Variants in TXNDC8 observed in about 807,000 individuals in gnomAD.
TXNDC8 encodes thioredoxin domain containing 8, also known as thioredoxin domain-containing protein 8.
TXNDC8 carries 15 observed loss-of-function variants against 12.9 expected under a neutral mutation model. The observed-to-expected ratio is 1.16, with a 90% confidence interval of 0.78 to 1.79. TXNDC8 has a LOEUF of 1.79. TXNDC8 is among the 40% of genes most tolerant of loss of function. The probability of loss-of-function intolerance (pLI) is 0.00; values close to 1 mark genes in which losing one functional copy is unlikely to be tolerated. For synonymous variants in TXNDC8, 40 were observed against 35.4 expected, an observed-to-expected ratio of 1.13 and a Z score of -0.46; for missense variants, 128 against 113.2, an observed-to-expected ratio of 1.13 and a Z score of -0.59.
intron 3 of TXNDC8, among the ~76,000 whole-genome samples, chr9:110,319,946 G>A (rs1449460426): frequency 3.3e-5 from 5 of 152,166 alleles, no homozygotes; most frequent in African/African-American, 7.2e-5. Context: ...CCCACTTTAT[G>A]TGATAGCTCA....
chr9:110,315,345 G>A (rs932621753), intron 3 of TXNDC8, among the ~76,000 whole-genome samples: 14 of 152,118 alleles, frequency 9.2e-5, no homozygotes, highest in East Asian at 7.7e-4. Context: ...TAATCCACCC[G>A]CCTCAGCCTC....
intron 3 of TXNDC8, among the ~76,000 whole-genome samples, chr9:110,307,400 C>T (rs574511526): frequency 6.6e-5 from 10 of 152,210 alleles, no homozygotes; most frequent in East Asian, 3.9e-4. Flanking sequence ...ATGTTACATT[C>T]GTGTCTTCCT....
intron 3 of TXNDC8, among the ~76,000 whole-genome samples, chr9:110,311,797 A>G (rs1426030224): frequency 1.4e-5 from 2 of 143,458 alleles, no homozygotes. Flanking sequence ...TATACTATAT[A>G]CTATATATAC....
At chr9:110,329,780 A>G (rs533511432) in intron 2 of TXNDC8, among the ~76,000 whole-genome samples, 13 of 152,246 alleles carry the variant, frequency 8.5e-5, no homozygotes, top group African/African-American at 3.1e-4. Flanking sequence ...CAACATTTTA[A>G]TGCTGACCAT....
chr9:110,336,763 A>G (rs1342534326), intron 1 of TXNDC8, among the ~76,000 whole-genome samples: 4 of 152,156 alleles, frequency 2.6e-5, no homozygotes, highest in Non-Finnish European at 5.9e-5. Flanking sequence ...AATAAAGAAA[A>G]TAAAAAGAAA....
intron 3 of TXNDC8, among the ~76,000 whole-genome samples, chr9:110,314,409 TTC>T (rs201121283): frequency 2.7e-4 from 40 of 149,496 alleles, no homozygotes; most frequent in South Asian, 8.6e-4. Context: ...TTTCTTTTTT[TTC>T]TTTTTTTCTT....
chr9:110,328,426 A>G (rs1839420969), intron 2 of TXNDC8, among the ~76,000 whole-genome samples: 2 of 149,516 alleles, frequency 1.3e-5, no homozygotes, highest in Admixed American at 1.3e-4. Context: ...ATGATGCTTC[A>G]AAAAAACACA....
chr9:110,325,512 A>AC (rs1483228863), intron 3 of TXNDC8, among the ~76,000 whole-genome samples: 3 of 125,622 alleles, frequency 2.4e-5, no homozygotes, highest in African/African-American at 3.3e-5. Flanking sequence ...ACTTGTATAC[A>AC]CTTTTTTTTT....
chr9:110,322,852 A>G (rs1839160989), intron 3 of TXNDC8: 2 of 985,202 alleles, frequency 2.0e-6, no homozygotes, highest in African/African-American at 3.5e-5. Context: ...CATCACACAC[A>G]TCATGAGTAT....
At position 110,337,845 on chromosome 9, in the gene TXNDC8, A is replaced by C; in HGVS notation, c.-49T>G. On this transcript the variant is annotated 5_prime_UTR_variant, in exon 1 of 5. Coordinates refer to ENST00000423740, the MANE Select transcript of TXNDC8 (RefSeq NM_001286946.2). ...GAAAATCCCCTGTTGGTTTAGTTGG[A>C]TCACTGTAGCTGTCTCCTATTTATT... 1 of 1,581,236 alleles carries C rather than the reference A, an allele frequency of 6.3e-7. No individual in the cohort carries two copies.
chr9:110,313,577 T>G (rs1201138981), intron 3 of TXNDC8, among the ~76,000 whole-genome samples: 2 of 152,172 alleles, frequency 1.3e-5, no homozygotes, highest in Non-Finnish European at 2.9e-5. Context: ...GGCACATGCC[T>G]GTAATCCCAG....
At position 110,304,547 on chromosome 9, in the gene TXNDC8, A is replaced by G; in HGVS notation, c.196-15T>C. 1 of 1,596,212 alleles carries G rather than the reference A, an allele frequency of 6.3e-7. No individual in the cohort carries two copies. The highest frequency in any genetic ancestry group is 2.3e-5 in the East Asian group (1 of 44,410). Reference sequence around the variant, plus strand: ...AATAGGGTTACCTAAGTGTGGGTGCAGAATTTCATAATTTATCTGAGTTGC... The same window carrying G: ...AATAGGGTTACCTAAGTGTGGGTGCGGAATTTCATAATTTATCTGAGTTGC... On this transcript the variant is annotated splice_polypyrimidine_tract_variant and intron_variant, in intron 3 of 4. Coordinates refer to ENST00000423740, the MANE Select transcript of TXNDC8 (RefSeq NM_001286946.2).
intron 1 of TXNDC8, among the ~76,000 whole-genome samples, chr9:110,335,814 G>T (rs535850093): frequency 1.1e-4 from 17 of 152,292 alleles, no homozygotes; most frequent in African/African-American, 4.1e-4. Context: ...ATTGTTAATT[G>T]TATTAAGTCA....
chr9:110,323,919 C>T, intron 3 of TXNDC8: 2 of 1,550,988 alleles, frequency 1.3e-6, no homozygotes, highest in Non-Finnish European at 1.7e-6. Context: ...TCTGGTTTGA[C>T]TTGGATTGGC....
At chr9:110,321,677 C>A (rs557991711) in intron 3 of TXNDC8, among the ~76,000 whole-genome samples, 1 of 150,324 alleles carries the variant, frequency 6.7e-6, no homozygotes, top group African/African-American at 2.4e-5. Context: ...TCTTGACCCA[C>A]CAGGAAAACA....
chr9:110,326,418 CAT>C (rs1839320408), intron 2 of TXNDC8, among the ~76,000 whole-genome samples, 178 bp from the exon 4 acceptor site: 1 of 152,162 alleles, frequency 6.6e-6, no homozygotes, highest in African/African-American at 2.4e-5. Context: ...CAATGATTGA[CAT>C]AAAATGATTG....
chr9:110,311,547 A>ATC (rs1185937609), intron 3 of TXNDC8, among the ~76,000 whole-genome samples: 3 of 129,276 alleles, frequency 2.3e-5, no homozygotes, highest in Admixed American at 8.5e-5. Context: ...ATATATATAT[A>ATC]TATATATATA....
chr9:110,325,998 A>AGTTGTATGTAAAGTT (rs1839302267), intron 3 of TXNDC8, among the ~76,000 whole-genome samples, 177 bp downstream of exon 4: 1 of 152,160 alleles, frequency 6.6e-6, no homozygotes, highest in African/African-American at 2.4e-5. Context: ...CCCTTTGTAA[A>AGTTGTATGTAAAGTT]GTTGTATGTA....
At chr9:110,312,945 T>C (rs905144950) in intron 3 of TXNDC8, among the ~76,000 whole-genome samples, 6 of 152,224 alleles carry the variant, frequency 3.9e-5, no homozygotes, top group Non-Finnish European at 7.3e-5. Flanking sequence ...TTGCCCAAGC[T>C]GGAGTTCAGT....
Sources: gnomAD v4.1 joint callset for allele counts (sites outside exome capture counted in the v4.1 genomes callset) on GRCh38, gnomAD v4.1.1 for gene constraint, MANE v1.5 for transcripts, NCBI Gene and HGNC (gene_info 2026-07-23, HGNC 2026-07-21) for gene names.